The following PCED1B variants were observed in gnomAD, a reference collection of about 807,000 sequenced individuals.
PCED1B encodes the protein PC-esterase domain containing 1B.
For missense variants in PCED1B, 573 were observed against 573.9 expected (o/e 1.00, Z 0.02); for synonymous variants, 251 against 246.1 (o/e 1.02, Z -0.19).
At chr12:47,228,325 G>C (rs1943695612) in intron 3 of PCED1B, among the ~76,000 whole-genome samples, 1 of 152,102 alleles carries the variant, frequency 6.6e-6, no homozygotes, top group East Asian at 1.9e-4. Context: ...ACCGTGCCCT[G>C]CCTGGGTTCT....
intron 2 of PCED1B, among the ~76,000 whole-genome samples, chr12:47,171,866 CCTTCTTCTTCTTTTCTT>C (rs1941749897): frequency 6.8e-6 from 1 of 147,692 alleles, no homozygotes; most frequent in African/African-American, 2.5e-5. Context: ...TTCTTCTTCT[CCTTCTTCTTCTTTTCTT>C]CTTCTTCTTC....
chr12:47,125,532 G>T lies in PCED1B; in HGVS notation c.-526+21337G>T, dbSNP rs1939851393. 2.6e-5 allele frequency among the ~76,000 whole-genome samples: 4 copies of T among 151,910 alleles called. No individual in the cohort carries two copies. In the South Asian group the frequency reaches 8.3e-4, roughly 32 times the overall value. On this transcript the variant is annotated intron_variant, in intron 2 of 3. Coordinates refer to ENST00000546455, the MANE Select transcript of PCED1B (RefSeq NM_138371.3). ...GTATGAAGTTTATGATTAGCTTGTC[G>T]ATTTTGACAAGAGGTCTGCTGGGTA... is the stretch of plus-strand genomic sequence containing the variant.
At position 47,146,199 on chromosome 12, in the gene PCED1B, G is replaced by A. The variant is rs143432055; in HGVS notation, c.-526+42004G>A. Among the ~76,000 whole-genome samples, 368 of 152,356 alleles carry A rather than the reference G, an allele frequency of 2.4e-3. 1 individual carries two copies. The highest frequency in any genetic ancestry group is 7.7e-3 in the African/African-American group (322 of 41,582). ...ACTAGAAATAGAAGCGGAGACTGAA[G>A]ATGTGATTGATTGCTGCAATCTCAT... On this transcript the variant is annotated intron_variant, in intron 2 of 3. Transcript: ENST00000546455.
chr12:47,084,261 C>G (rs1161326234), intron 1 of PCED1B, among the ~76,000 whole-genome samples: 3 of 152,184 alleles, frequency 2.0e-5, no homozygotes, highest in Non-Finnish European at 4.4e-5. Flanking sequence ...TTGAATTGCT[C>G]ATGGAATTCA....
intron 2 of PCED1B, among the ~76,000 whole-genome samples, chr12:47,195,111 A>G (rs2137676083): frequency 6.6e-6 from 1 of 152,224 alleles, no homozygotes. Context: ...CGGGTGGATC[A>G]TGAGGTCAGG....
At chr12:47,193,297 C>T (rs552167259) in intron 2 of PCED1B, among the ~76,000 whole-genome samples, 4 of 152,250 alleles carry the variant, frequency 2.6e-5, no homozygotes, top group Admixed American at 1.3e-4. Flanking sequence ...GGCATCTGAC[C>T]GTCCCCACTT....
At chr12:47,179,173 C>T (rs1942021016) in intron 2 of PCED1B, among the ~76,000 whole-genome samples, 1 of 152,186 alleles carries the variant, frequency 6.6e-6, no homozygotes, top group South Asian at 2.1e-4. Flanking sequence ...TCCACCTTCC[C>T]CTTCTCTGCT....
chr12:47,132,020 A>G (rs529592679), intron 2 of PCED1B, among the ~76,000 whole-genome samples: 33 of 152,192 alleles, frequency 2.2e-4, no homozygotes, highest in Non-Finnish European at 4.9e-4. Context: ...GGGAAGTTGA[A>G]GTGAAAGGCA....
At chr12:47,155,608 A>G (rs569263982) in intron 2 of PCED1B, among the ~76,000 whole-genome samples, 1 of 152,336 alleles carries the variant, frequency 6.6e-6, no homozygotes, top group African/African-American at 2.4e-5. Context: ...CTACATTGCA[A>G]GGAAACAGGT....
chr12:47,080,902 C>G (rs950017800), intron 1 of PCED1B, among the ~76,000 whole-genome samples: 28 of 152,070 alleles, frequency 1.8e-4, no homozygotes, highest in Non-Finnish European at 3.5e-4. Flanking sequence ...GTGCTCGTGG[C>G]GCGTGCGGGA....
intron 2 of PCED1B, among the ~76,000 whole-genome samples, chr12:47,212,700 G>T (rs1943131219): frequency 6.6e-6 from 1 of 152,178 alleles, no homozygotes; most frequent in African/African-American, 2.4e-5. Context: ...GTCATTTAAA[G>T]AATTATTTTG....
intron 2 of PCED1B, among the ~76,000 whole-genome samples, chr12:47,109,594 T>C (rs1419146251): frequency 1.3e-5 from 2 of 152,214 alleles, no homozygotes; most frequent in African/African-American, 4.8e-5. Flanking sequence ...TCTGGCTCTT[T>C]GTTTTATTCC....
chr12:47,090,423 A>T (rs1938213870), intron 1 of PCED1B, among the ~76,000 whole-genome samples: 1 of 152,226 alleles, frequency 6.6e-6, no homozygotes, highest in African/African-American at 2.4e-5. Context: ...CATAAGCAGA[A>T]GTTAAGTTCT....
intron 2 of PCED1B, among the ~76,000 whole-genome samples, chr12:47,119,590 G>A (rs1939584333): frequency 6.6e-6 from 1 of 151,986 alleles, no homozygotes; most frequent in African/African-American, 2.4e-5. Flanking sequence ...ACACTATCAG[G>A]GAAGTGAAAA....
chr12:47,179,283 G>T (rs1189363208), intron 2 of PCED1B, among the ~76,000 whole-genome samples: 1 of 152,148 alleles, frequency 6.6e-6, no homozygotes, highest in East Asian at 1.9e-4. Context: ...AACTACGGAG[G>T]TCTGTTCTCA....
intron 1 of PCED1B, among the ~76,000 whole-genome samples, chr12:47,096,085 C>T (rs926092371): frequency 3.9e-5 from 6 of 152,266 alleles, no homozygotes; most frequent in African/African-American, 1.4e-4. Context: ...ACCACATCCT[C>T]ATCTCGGGGA....
At chr12:47,117,605 C>T (rs534222639) in intron 2 of PCED1B, among the ~76,000 whole-genome samples, 232 of 152,234 alleles carry the variant, frequency 1.5e-3, no homozygotes, top group African/African-American at 5.3e-3. Context: ...CATTGTTGGA[C>T]ATTTGGGTTG....
At chr12:47,173,825 C>T (rs1186396714) in intron 2 of PCED1B, among the ~76,000 whole-genome samples, 3 of 152,108 alleles carry the variant, frequency 2.0e-5, no homozygotes, top group South Asian at 2.1e-4. Context: ...TTATACGAGG[C>T]TCATAAATAT....
Position 47,133,085 on chromosome 12 carries a change from T to G in PCED1B, c.-526+28890T>G, listed in dbSNP as rs181015433. On this transcript the variant is annotated intron_variant, in intron 2 of 3. Transcript: ENST00000546455. ...CAAAGGGGACTGTATTTTCTTTACATGTAGTTCCATAAAATGATGCAAAGT... is the reference window on the plus strand; with the variant it reads ...CAAAGGGGACTGTATTTTCTTTACAGGTAGTTCCATAAAATGATGCAAAGT... Among the ~76,000 whole-genome samples the G allele has an allele frequency of 5.3e-5, 8 of 152,358 alleles. No individual in the cohort carries two copies. In the East Asian group the frequency reaches 1.3e-3, roughly 26 times the overall value.
Sources: gnomAD v4.1 joint callset for allele counts (sites outside exome capture counted in the v4.1 genomes callset) on GRCh38, gnomAD v4.1.1 for gene constraint, MANE v1.5 for transcripts, NCBI Gene and HGNC (gene_info 2026-07-23, HGNC 2026-07-21) for gene names.